The following THRB variants were observed in gnomAD, a reference collection of about 807,000 sequenced individuals.
THRB encodes the protein nuclear receptor subfamily 1 group A member 2.
In THRB, 12 loss-of-function variants were observed where a neutral mutation model predicts 47.8. The ratio of observed to expected loss-of-function variants is 0.25; its 90% CI spans 0.16 to 0.41. The LOEUF (loss-of-function observed/expected upper bound fraction) is 0.41, where lower values mean the gene tolerates loss of function less well. Ranked by LOEUF, THRB falls within the 10% of genes least tolerant of loss-of-function variation. THRB has a pLI of 1.00. For missense variants in THRB, 348 were observed against 589.2 expected (o/e 0.59, Z 4.24); for synonymous variants, 218 against 212.2 (o/e 1.03, Z -0.24).
At position 24,295,603 on chromosome 3, in the gene THRB, G is replaced by A. The variant is rs1326237540; in HGVS notation, c.-43+1623C>T. ...AAATTTTATTTCAGTAAGTTTGCCT[G>A]TATAACACTACTTAATGGCTACTCT... is the stretch of plus-strand genomic sequence containing the variant. On this transcript the variant is annotated intron_variant, in intron 3 of 10. Transcript: ENST00000646209. Among the ~76,000 whole-genome samples, 4 of 152,198 alleles carry A rather than the reference G, an allele frequency of 2.6e-5. No individual in the cohort carries two copies. In the East Asian group the frequency reaches 7.7e-4, roughly 29 times the overall value.
At chr3:24,152,642 T>C in intron 5 of THRB, 152 bp from the exon 6 acceptor site, 1 of 655,960 alleles carries the variant, frequency 1.5e-6, no homozygotes. Context: ...GTAAGAATTT[T>C]ATACTCATAG....
intron 3 of THRB, among the ~76,000 whole-genome samples, chr3:24,241,318 G>A (rs113222240): frequency 5.9e-5 from 9 of 152,292 alleles, no homozygotes; most frequent in South Asian, 2.1e-4. Context: ...CCAATAATGC[G>A]TACTTAGAAA....
chr3:24,135,847 A>ATATATATATATATATATATATAAATT (rs371175625), intron 8 of THRB, among the ~76,000 whole-genome samples: 5 of 130,974 alleles, frequency 3.8e-5, no homozygotes, highest in African/African-American at 1.6e-4. Context: ...ATATATATAT[A>ATATATATATATATATATATATAAATT]ATACATAAAT....
intron 6 of THRB, among the ~76,000 whole-genome samples, chr3:24,150,325 C>T (rs183389170): frequency 3.9e-5 from 6 of 152,202 alleles, no homozygotes; most frequent in South Asian, 4.2e-4. Flanking sequence ...TCTTAAAAAC[C>T]GTGTTTCACT....
At chr3:24,127,846 A>C in intron 9 of THRB, 89 bp from the exon 10 acceptor site, 1 of 1,396,070 alleles carries the variant, frequency 7.2e-7, no homozygotes, top group Non-Finnish European at 1.0e-6. Flanking sequence ...AATAGGAATA[A>C]CCTTCTGTGA....
At chr3:24,311,165 T>C (rs1214817924) in intron 2 of THRB, among the ~76,000 whole-genome samples, 2 of 152,132 alleles carry the variant, frequency 1.3e-5, no homozygotes, top group African/African-American at 2.4e-5. Flanking sequence ...CCAGCTGGAA[T>C]GAGGAAACAC....
At chr3:24,218,314 T>C (rs915811736) in intron 4 of THRB, among the ~76,000 whole-genome samples, 1 of 142,718 alleles carries the variant, frequency 7.0e-6, no homozygotes, top group African/African-American at 2.6e-5. Flanking sequence ...GAATAACAAA[T>C]AAATTTTTTG....
chr3:24,194,140 AG>A (rs1436795263), intron 4 of THRB, among the ~76,000 whole-genome samples: 1 of 152,194 alleles, frequency 6.6e-6, no homozygotes, highest in African/African-American at 2.4e-5. Context: ...CAGGGTGATG[AG>A]GGATAAAAGA....
chr3:24,382,144 T>A (rs560964207), intron 1 of THRB, among the ~76,000 whole-genome samples: 2 of 151,972 alleles, frequency 1.3e-5, no homozygotes, highest in African/African-American at 2.4e-5. Context: ...AAAGATAAGA[T>A]GAACAGATAA....
intron 1 of THRB, among the ~76,000 whole-genome samples, chr3:24,383,999 T>C (rs937540300): frequency 5.9e-5 from 9 of 152,140 alleles, no homozygotes; most frequent in Non-Finnish European, 1.3e-4. Flanking sequence ...ACTTAAGGGA[T>C]CTTTCTTGGT....
intron 3 of THRB, among the ~76,000 whole-genome samples, chr3:24,237,510 G>T (rs1325287280): frequency 6.6e-6 from 1 of 151,888 alleles, no homozygotes; most frequent in African/African-American, 2.4e-5. Flanking sequence ...CAATATCCAG[G>T]CCAAATCATT....
chr3:24,254,074 G>T (rs1559744130), intron 3 of THRB, among the ~76,000 whole-genome samples: 2 of 150,914 alleles, frequency 1.3e-5, no homozygotes, highest in Non-Finnish European at 3.0e-5. Flanking sequence ...CTAAAAATCA[G>T]ATTTACCGGC....
At position 24,480,370 on chromosome 3, in the gene THRB, C is replaced by T. The variant is rs192460412; in HGVS notation, c.-261+14282G>A. On this transcript the variant is annotated intron_variant, in intron 1 of 10. Coordinates refer to ENST00000646209, the MANE Select transcript of THRB (RefSeq NM_001354712.2). ...ATTTTTCCATCCCCAAAGTCCCAGG[C>T]ACAGAATCCTCAGAGGACCCACTTC... Among the ~76,000 whole-genome samples, 7 of 152,306 alleles carry T rather than the reference C, an allele frequency of 4.6e-5. No homozygotes were observed. In the East Asian group the frequency reaches 1.2e-3, roughly 25 times the overall value.
chr3:24,135,843 ATAT>A (rs2034576073), intron 8 of THRB, among the ~76,000 whole-genome samples: 2 of 119,580 alleles, frequency 1.7e-5, no homozygotes, highest in Non-Finnish European at 3.3e-5. Flanking sequence ...ATATATATAT[ATAT>A]AATACATAAA....
intron 3 of THRB, among the ~76,000 whole-genome samples, chr3:24,292,106 TATTA>T (rs2150984825): frequency 6.6e-6 from 1 of 152,296 alleles, no homozygotes; most frequent in African/African-American, 2.4e-5. Context: ...TGCCAAATTT[TATTA>T]TTTAAGGAAA....
At chr3:24,286,332 A>G (rs2055292993) in intron 3 of THRB, among the ~76,000 whole-genome samples, 2 of 152,236 alleles carry the variant, frequency 1.3e-5, no homozygotes, top group African/African-American at 4.8e-5. Context: ...TTCTAAGGAA[A>G]GCATTATATT....
At chr3:24,343,154 A>C (rs556619413) in intron 1 of THRB, among the ~76,000 whole-genome samples, 1 of 152,350 alleles carries the variant, frequency 6.6e-6, no homozygotes, top group Admixed American at 6.5e-5. Context: ...AGGGGTTATT[A>C]ATTTAAGTGT....
chr3:24,289,992 T>G (rs1192583271), intron 3 of THRB, among the ~76,000 whole-genome samples: 1 of 152,198 alleles, frequency 6.6e-6, no homozygotes, highest in African/African-American at 2.4e-5. Flanking sequence ...TCCTCTCTTC[T>G]GATTTTTAAC....
At chr3:24,298,299 C>A (rs1384738226) in intron 2 of THRB, among the ~76,000 whole-genome samples, 1 of 152,178 alleles carries the variant, frequency 6.6e-6, no homozygotes, top group African/African-American at 2.4e-5. Context: ...GCTTACCAGT[C>A]CCCTACAATC....
Sources: gnomAD v4.1 joint callset for allele counts (sites outside exome capture counted in the v4.1 genomes callset) on GRCh38, gnomAD v4.1.1 for gene constraint, MANE v1.5 for transcripts, NCBI Gene and HGNC (gene_info 2026-07-23, HGNC 2026-07-21) for gene names.